The following PRKCQ variants were observed in gnomAD, a reference collection of about 807,000 sequenced individuals.
The protein encoded by PRKCQ is protein kinase C theta.
A neutral mutation model predicts 91.2 loss-of-function variants in PRKCQ; 41 were observed. The observed-to-expected ratio is 0.45, with a 90% CI of 0.35 to 0.58. The LOEUF (loss-of-function observed/expected upper bound fraction) is 0.58. Ranked by LOEUF, PRKCQ falls within the 20% of genes least tolerant of loss-of-function variation. The pLI is 0.00. For synonymous variants in PRKCQ, 307 were observed against 316.9 expected, an observed-to-expected ratio of 0.97 and a Z score of 0.33; for missense variants, 673 against 896.5, an observed-to-expected ratio of 0.75 and a Z score of 3.18.
intron 1 of PRKCQ, among the ~76,000 whole-genome samples, chr10:6,552,475 T>G (rs1472603876): frequency 6.6e-6 from 1 of 151,534 alleles, no homozygotes; most frequent in East Asian, 1.9e-4. Context: ...TTTTTTTTTT[T>G]TGTCTTTCTA....
chr10:6,514,384 C>T (rs1588366399), intron 2 of PRKCQ, among the ~76,000 whole-genome samples: 1 of 152,242 alleles, frequency 6.6e-6, no homozygotes, highest in Admixed American at 6.5e-5. Context: ...ACACATAAGA[C>T]TGTTGGAATG....
the PRKCQ span, among the ~76,000 whole-genome samples, chr10:6,413,104 C>T: frequency 6.6e-6 from 1 of 152,154 alleles, no homozygotes; most frequent in Non-Finnish European, 1.5e-5. Flanking sequence ...AGGCACCCGC[C>T]ACCACGCCCG....
chr10:6,405,832 A>G, the PRKCQ span, among the ~76,000 whole-genome samples: 5 of 152,186 alleles, frequency 3.3e-5, no homozygotes, highest in African/African-American at 1.2e-4. Flanking sequence ...TGACTGGTGC[A>G]CCCATGTGCC....
chr10:6,566,690 C>T (rs1044572357), intron 1 of PRKCQ, among the ~76,000 whole-genome samples: 9 of 151,966 alleles, frequency 5.9e-5, no homozygotes, highest in Non-Finnish European at 1.3e-4. Flanking sequence ...ACCACCTGTC[C>T]TCGATTACTG....
chr10:6,511,735 T>C (rs544769912), intron 2 of PRKCQ, among the ~76,000 whole-genome samples: 9 of 152,216 alleles, frequency 5.9e-5, no homozygotes, highest in Non-Finnish European at 8.8e-5. Context: ...CTGGATGCCA[T>C]GATCTGGTGA....
intron 12 of PRKCQ, among the ~76,000 whole-genome samples, chr10:6,474,899 G>C (rs1424889706): frequency 6.6e-6 from 1 of 152,118 alleles, no homozygotes; most frequent in Non-Finnish European, 1.5e-5. Flanking sequence ...CGCACTGAAG[G>C]GGGTACTGAG....
At chr10:6,507,292 C>T in intron 4 of PRKCQ, 144 bp downstream of exon 4, 1 of 744,758 alleles carries the variant, frequency 1.3e-6, no homozygotes, top group Admixed American at 2.1e-5. Flanking sequence ...CATGCCTGAG[C>T]ACCTCTGAGA....
At chr10:6,488,674 G>A (rs769991820) in intron 8 of PRKCQ, among the ~76,000 whole-genome samples, 18 of 152,152 alleles carry the variant, frequency 1.2e-4, no homozygotes, top group South Asian at 2.1e-4. Context: ...GTGAGCCACC[G>A]CGCCCGGTCA....
At chr10:6,571,617 C>G (rs1841047321) in intron 1 of PRKCQ, among the ~76,000 whole-genome samples, 1 of 152,046 alleles carries the variant, frequency 6.6e-6, no homozygotes, top group South Asian at 2.1e-4. Context: ...TCTAGCCTGG[C>G]CAACATGGTG....
chr10:6,466,660 C>G (rs753888522), intron 12 of PRKCQ, among the ~76,000 whole-genome samples: 6 of 152,190 alleles, frequency 3.9e-5, no homozygotes, highest in African/African-American at 7.2e-5. Context: ...CTTTTAAAAG[C>G]TGAATCCAAA....
rs1554782622 is a variant in PRKCQ, at chr10:6,553,983, A to AC, written c.-10+26227dup. Among the ~76,000 whole-genome samples the AC allele has an allele frequency of 1.4e-3, 214 of 151,642 alleles. 1 individual carries two copies. The highest frequency in any genetic ancestry group is 5.1e-3 in the African/African-American group (211 of 41,356). Reference sequence around the variant, plus strand: ...AGTGCAGTGGAAACAGTAAAAAAAAACAGAGTGTCGCAGACATCAAGTCTC... The same window carrying AC: ...AGTGCAGTGGAAACAGTAAAAAAAAACCAGAGTGTCGCAGACATCAAGTCTC... On this transcript the variant is annotated intron_variant, in intron 1 of 17. Coordinates refer to ENST00000263125, the MANE Select transcript of PRKCQ (RefSeq NM_006257.5).
chr10:6,454,140 A>T (rs1194059442), intron 15 of PRKCQ, among the ~76,000 whole-genome samples: 1 of 152,220 alleles, frequency 6.6e-6, no homozygotes, highest in African/African-American at 2.4e-5. Context: ...ACCTGATCAT[A>T]TTCCTTTTTA....
the PRKCQ span, among the ~76,000 whole-genome samples, chr10:6,402,158 T>C: frequency 6.6e-6 from 1 of 151,242 alleles, no homozygotes; most frequent in Non-Finnish European, 1.5e-5. Context: ...TGAGAACGCA[T>C]GGACGCAGGG....
chr10:6,408,746 CT>C, the PRKCQ span, among the ~76,000 whole-genome samples: 1 of 152,192 alleles, frequency 6.6e-6, no homozygotes, highest in Non-Finnish European at 1.5e-5. Context: ...ATGTTAGTAG[CT>C]GTTTATTAAC....
At chr10:6,464,654 G>T (rs1022163478) in intron 12 of PRKCQ, among the ~76,000 whole-genome samples, 5 of 152,132 alleles carry the variant, frequency 3.3e-5, no homozygotes, top group Non-Finnish European at 7.3e-5. Context: ...CGCCATGTTA[G>T]CCAGGCTGGT....
intron 14 of PRKCQ, among the ~76,000 whole-genome samples, chr10:6,461,837 G>A (rs1835368034): frequency 6.6e-6 from 1 of 152,184 alleles, no homozygotes; most frequent in Non-Finnish European, 1.5e-5. Context: ...AAGAAGTGAG[G>A]AGATTGAGAT....
chr10:6,426,252 T>G (rs548904737), downstream of PRKCQ, among the ~76,000 whole-genome samples: 15 of 152,170 alleles, frequency 9.9e-5, no homozygotes, highest in Non-Finnish European at 2.2e-4. Context: ...GAGACGGGAC[T>G]TTAGACAGCA....
chr10:6,559,896 C>T (rs780372817), intron 1 of PRKCQ, among the ~76,000 whole-genome samples: 10 of 152,132 alleles, frequency 6.6e-5, no homozygotes, highest in South Asian at 2.1e-4. Context: ...TATTTCGTTA[C>T]GTACACAGAA....
intron 3 of PRKCQ, among the ~76,000 whole-genome samples, chr10:6,510,779 T>G (rs975448314): frequency 5.3e-5 from 8 of 152,178 alleles, no homozygotes; most frequent in African/African-American, 1.9e-4. Context: ...TACATCTCTT[T>G]GATGTAGGCA....
Sources: allele counts gnomAD v4.1 joint callset (sites outside exome capture counted in the v4.1 genomes callset), GRCh38; gene constraint gnomAD v4.1.1; transcripts MANE v1.5; gene names NCBI Gene and HGNC (gene_info 2026-07-23, HGNC 2026-07-21).